Variants in SCFD2 observed in about 807,000 individuals in gnomAD.
The protein encoded by SCFD2 is sec1 family domain containing 2.
A neutral mutation model predicts 58.9 loss-of-function variants in SCFD2; 54 were observed. The observed-to-expected ratio is 0.92, with a 90% CI of 0.74 to 1.15. SCFD2 has a LOEUF of 1.15. SCFD2 is among the 50% of genes most tolerant of loss of function. SCFD2 has a pLI of 0.00. For synonymous variants in SCFD2, 321 were observed against 335.9 expected, an observed-to-expected ratio of 0.96 and a Z score of 0.49; for missense variants, 805 against 836.6, an observed-to-expected ratio of 0.96 and a Z score of 0.47.
chr4:53,302,846 G>T (rs1732363672), intron 3 of SCFD2, among the ~76,000 whole-genome samples: 1 of 152,172 alleles, frequency 6.6e-6, no homozygotes, highest in Non-Finnish European at 1.5e-5. Flanking sequence ...AACAAGCAAT[G>T]GGGAAAGGAT....
chr4:53,194,777 C>T (rs537250914), intron 4 of SCFD2, among the ~76,000 whole-genome samples: 3 of 152,232 alleles, frequency 2.0e-5, no homozygotes, highest in Admixed American at 6.5e-5. Context: ...ACCTGATGAC[C>T]TCTGGCACAA....
At chr4:53,275,269 A>G (rs1731294274) in intron 3 of SCFD2, among the ~76,000 whole-genome samples, 1 of 152,218 alleles carries the variant, frequency 6.6e-6, no homozygotes, top group Non-Finnish European at 1.5e-5. Context: ...ATATCTTTCT[A>G]TCTTTTCATT....
intron 4 of SCFD2, among the ~76,000 whole-genome samples, chr4:53,185,278 A>G (rs753407409): frequency 3.3e-5 from 5 of 152,132 alleles, no homozygotes; most frequent in Non-Finnish European, 4.4e-5. Flanking sequence ...GGCAATTTTA[A>G]TCGAAAATAA....
chr4:52,904,054 C>G lies in SCFD2; in HGVS notation c.1842+3403G>C, dbSNP rs116127200. Among the ~76,000 whole-genome samples, 271 of 152,296 alleles carry G rather than the reference C, an allele frequency of 1.8e-3. 1 individual carries two copies. The highest frequency in any genetic ancestry group is 0.014 in the Middle Eastern group (4 of 294). Reference sequence around the variant, plus strand: ...CTGTGAGGGCACACACTCCACACCCCACGGGAATAACTGCTGGCTCTCTTT... The same window carrying G: ...CTGTGAGGGCACACACTCCACACCCGACGGGAATAACTGCTGGCTCTCTTT... On this transcript the variant is annotated intron_variant, in intron 7 of 8. Coordinates refer to ENST00000401642, the MANE Select transcript of SCFD2 (RefSeq NM_152540.4).
intron 5 of SCFD2, among the ~76,000 whole-genome samples, chr4:52,991,301 C>G (rs934120742): frequency 2.6e-5 from 4 of 152,142 alleles, no homozygotes; most frequent in African/African-American, 9.7e-5. Context: ...TATTATTATT[C>G]CTCCTATCTA....
chr4:53,263,756 G>C lies in SCFD2; in HGVS notation c.1311+10070C>G, dbSNP rs1330326491. On this transcript the variant is annotated intron_variant, in intron 4 of 8. Transcript: ENST00000401642. ...TCCAGCCAGGAGGTGGCGCTTTCAAGAGTGCATCAGCTGCAGTACTATAGG... is the reference window on the plus strand; with the variant it reads ...TCCAGCCAGGAGGTGGCGCTTTCAACAGTGCATCAGCTGCAGTACTATAGG... Among the ~76,000 whole-genome samples the C allele has an allele frequency of 3.9e-5, 6 of 152,348 alleles. No homozygotes were observed. In the South Asian group the frequency reaches 1.2e-3, roughly 32 times the overall value.
At position 53,323,361 on chromosome 4, in the gene SCFD2, T is replaced by C. The variant is rs115886103; in HGVS notation, c.1008-9598A>G. ...TTACAACTCTGAGGAGAGAAGAATATACAGTAGTTCTTTTTTGTTGTTGTT... is the reference window on the plus strand; with the variant it reads ...TTACAACTCTGAGGAGAGAAGAATACACAGTAGTTCTTTTTTGTTGTTGTT... On this transcript the variant is annotated intron_variant, in intron 2 of 8. Coordinates refer to ENST00000401642, the MANE Select transcript of SCFD2 (RefSeq NM_152540.4). Among the ~76,000 whole-genome samples the C allele has an allele frequency of 3.2e-3, 492 of 152,150 alleles. 2 individuals carry two copies. The highest frequency in any genetic ancestry group is 8.7e-3 in the African/African-American group (360 of 41,518).
chr4:53,288,514 TC>T (rs763719737), intron 3 of SCFD2, among the ~76,000 whole-genome samples: 16 of 151,874 alleles, frequency 1.1e-4, no homozygotes, highest in Non-Finnish European at 2.1e-4. Context: ...TACAAGGGAA[TC>T]CCCATCAGAT....
intron 2 of SCFD2, among the ~76,000 whole-genome samples, chr4:53,328,223 T>C (rs1461665080): frequency 2.6e-5 from 4 of 152,012 alleles, no homozygotes; most frequent in South Asian, 2.1e-4. Flanking sequence ...TGTGTATGTA[T>C]ACAAATTCCT....
chr4:53,064,240 C>T (rs545300695), intron 5 of SCFD2, among the ~76,000 whole-genome samples: 2 of 151,966 alleles, frequency 1.3e-5, no homozygotes, highest in African/African-American at 4.8e-5. Flanking sequence ...GTAAGCATAG[C>T]GCCCAGTAGT....
intron 2 of SCFD2, among the ~76,000 whole-genome samples, chr4:53,350,320 C>A (rs766164875): frequency 1.3e-5 from 2 of 152,136 alleles, no homozygotes; most frequent in East Asian, 3.9e-4. Flanking sequence ...CTTACCATTT[C>A]CCCCAGAATC....
chr4:53,025,352 A>T (rs1289335711), intron 5 of SCFD2, among the ~76,000 whole-genome samples: 1 of 152,262 alleles, frequency 6.6e-6, no homozygotes, highest in Non-Finnish European at 1.5e-5. Flanking sequence ...CATTCTTGTT[A>T]ATCTATGAGA....
chr4:53,350,776 C>T (rs1385060288), intron 2 of SCFD2, among the ~76,000 whole-genome samples: 2 of 152,186 alleles, frequency 1.3e-5, no homozygotes, highest in African/African-American at 4.8e-5. Context: ...ATGGCACAAT[C>T]TTGGCTCACT....
chr4:53,237,529 C>A (rs1278417259), intron 4 of SCFD2, among the ~76,000 whole-genome samples: 1 of 78,548 alleles, frequency 1.3e-5, no homozygotes, highest in Non-Finnish European at 2.5e-5. Context: ...CTGACCCCCA[C>A]CTCTCTCCCA....
At chr4:53,029,675 T>A (rs958352090) in intron 5 of SCFD2, among the ~76,000 whole-genome samples, 1 of 152,144 alleles carries the variant, frequency 6.6e-6, no homozygotes, top group African/African-American at 2.4e-5. Context: ...TAGAAACATA[T>A]CCACACATAT....
At chr4:53,100,482 T>C (rs184748263) in intron 5 of SCFD2, among the ~76,000 whole-genome samples, 1 of 152,354 alleles carries the variant, frequency 6.6e-6, no homozygotes, top group Admixed American at 6.5e-5. Context: ...GATTATTTAA[T>C]TAGCCATAAG....
chr4:53,365,570 G>A lies in SCFD2; in HGVS notation c.372C>T (p.Ala124=), dbSNP rs747021049. The change falls in exon 1 of 9, where the codon GCC becomes GCT. Residue 124 remains alanine, a synonymous_variant. Transcript: ENST00000401642. The surrounding 1 kb of genome is among the most constrained non-coding windows in gnomAD (Gnocchi z 4.3). Reference sequence around the variant, plus strand: ...ACACCGGCTGCTGCCCCTCCATCTCGGCCGCTGCCGCCGCTGGGACATGAT... The same window carrying A: ...ACACCGGCTGCTGCCCCTCCATCTCAGCCGCTGCCGCCGCTGGGACATGAT... ...TANHVPAAAA[A]EMEGQQPVFE... is the part of the protein sequence containing the mutation. The A allele has an allele frequency of 1.9e-6, 3 of 1,613,940 alleles. No individual in the cohort carries two copies. In the Admixed American group the frequency reaches 5.0e-5, roughly 27 times the overall value.
intron 4 of SCFD2, among the ~76,000 whole-genome samples, chr4:53,200,462 T>A (rs1234656185): frequency 6.6e-6 from 1 of 152,012 alleles, no homozygotes; most frequent in Non-Finnish European, 1.5e-5. Context: ...ATGAAAAAAA[T>A]TGCCATAGTA....
At chr4:53,239,770 C>T (rs551469047) in intron 4 of SCFD2, among the ~76,000 whole-genome samples, 2 of 152,238 alleles carry the variant, frequency 1.3e-5, no homozygotes, top group Non-Finnish European at 2.9e-5. Flanking sequence ...GGCACCATGC[C>T]CGGCCTTTGT....
Sources: allele counts gnomAD v4.1 joint callset (sites outside exome capture counted in the v4.1 genomes callset), GRCh38; gene constraint gnomAD v4.1.1; non-coding constraint Gnocchi (gnomAD v3.1); transcripts MANE v1.5; gene names NCBI Gene and HGNC (gene_info 2026-07-23, HGNC 2026-07-21).